The following DNAH8 variants were observed in gnomAD, a reference collection of about 807,000 sequenced individuals.
The protein encoded by DNAH8 is dynein axonemal heavy chain 8, also known as axonemal beta dynein heavy chain 8.
DNAH8 carries 382 observed loss-of-function variants against 562.1 expected under a neutral mutation model. The ratio of observed to expected loss-of-function variants is 0.68; its 90% CI spans 0.63 to 0.74. The LOEUF is 0.74. DNAH8 is among the 30% of genes least tolerant of loss of function. The pLI is 0.00. For missense variants in DNAH8, 5,203 were observed against 5,620.4 expected, an observed-to-expected ratio of 0.93 and a Z score of 2.37; for synonymous variants, 1,881 against 1,919.4, an observed-to-expected ratio of 0.98 and a Z score of 0.52.
At chr6:38,891,353 A>T (rs1759622071) in intron 58 of DNAH8, among the ~76,000 whole-genome samples, 1 of 152,252 alleles carries the variant, frequency 6.6e-6, no homozygotes. Flanking sequence ...TGTAGGTATG[A>T]GATAAAAATG....
chr6:38,911,172 C>T (rs1027285937), intron 65 of DNAH8, among the ~76,000 whole-genome samples: 12 of 152,274 alleles, frequency 7.9e-5, no homozygotes, highest in South Asian at 2.1e-4. Context: ...TTCATATATG[C>T]GATTTTATTT....
intron 88 of DNAH8, among the ~76,000 whole-genome samples, chr6:38,996,918 C>T (rs891820907): frequency 2.2e-4 from 33 of 152,024 alleles, no homozygotes; most frequent in Admixed American, 1.8e-3. Context: ...CAGGATCTTG[C>T]AACCTTTCAC....
At chr6:38,988,864 C>G (rs2150728719) in intron 87 of DNAH8, among the ~76,000 whole-genome samples, 1 of 152,306 alleles carries the variant, frequency 6.6e-6, no homozygotes, top group African/African-American at 2.4e-5. Flanking sequence ...CTTTAAACCT[C>G]TTTAGTACTT....
intron 42 of DNAH8, 99 bp downstream of exon 42, chr6:38,857,841 TC>T: frequency 1.4e-6 from 1 of 739,612 alleles, no homozygotes; most frequent in Non-Finnish European, 2.2e-6. Flanking sequence ...ATTTACTTGG[TC>T]CTTTTTCATA....
chr6:38,796,359 A>T (rs913617032), intron 21 of DNAH8, among the ~76,000 whole-genome samples: 1 of 151,742 alleles, frequency 6.6e-6, no homozygotes, highest in African/African-American at 2.4e-5. Context: ...AGTCCTAGGG[A>T]TGCTAGCTTC....
intron 4 of DNAH8, among the ~76,000 whole-genome samples, chr6:38,733,700 C>T (rs1763841365): frequency 1.3e-5 from 2 of 151,982 alleles, no homozygotes; most frequent in South Asian, 4.2e-4. Context: ...CACTTGAGGT[C>T]AGGAATTTGA....
At chr6:38,719,465 A>T (rs1762585718) in intron 1 of DNAH8, among the ~76,000 whole-genome samples, 1 of 151,884 alleles carries the variant, frequency 6.6e-6, no homozygotes, top group Non-Finnish European at 1.5e-5. Flanking sequence ...GTCCCTACTT[A>T]TAAGTGTGAA....
intron 53 of DNAH8, among the ~76,000 whole-genome samples, chr6:38,879,591 G>A (rs1326369959): frequency 6.6e-6 from 1 of 152,178 alleles, no homozygotes; most frequent in Non-Finnish European, 1.5e-5. Context: ...AATACCTACA[G>A]CTAACGTTAT....
At chr6:38,920,485 G>A (rs1291302034) in intron 70 of DNAH8, among the ~76,000 whole-genome samples, 1 of 152,062 alleles carries the variant, frequency 6.6e-6, no homozygotes, top group African/African-American at 2.4e-5. Context: ...CCACATTGTA[G>A]GACTTAGAAA....
At position 38,906,349 on chromosome 6, in the gene DNAH8, G is replaced by T. The variant is rs767800821; in HGVS notation, c.9290G>T (p.Ser3097Ile). 1 of 1,610,504 alleles carries T rather than the reference G, an allele frequency of 6.2e-7. No homozygotes were observed. The highest frequency in any genetic ancestry group is 8.5e-7 in the Non-Finnish European group (1 of 1,178,288). ...GGCATCACTTTCATCTTTACTGACA[G>T]TGAAATAAAAGATGAGGCATTTCTA... is the stretch of plus-strand genomic sequence containing the variant. ...GKGITFIFTD[S>I]EIKDEAFLEY... is the part of the protein sequence containing the mutation. The change falls in exon 63 of 93, where the codon AGT becomes ATT. Residue 3097 changes from serine to isoleucine, a missense_variant. Transcript: ENST00000327475.
At chr6:38,824,311 T>G (rs909369684) in intron 28 of DNAH8, among the ~76,000 whole-genome samples, 1 of 152,174 alleles carries the variant, frequency 6.6e-6, no homozygotes, top group Non-Finnish European at 1.5e-5. Flanking sequence ...TGACATCATC[T>G]GTAGAAGGAT....
chr6:38,940,652 CATGTCACTT>C (rs1202086695), intron 79 of DNAH8, among the ~76,000 whole-genome samples: 1 of 152,168 alleles, frequency 6.6e-6, no homozygotes, highest in East Asian at 1.9e-4. Flanking sequence ...ACAAGTGACA[CATGTCACTT>C]ACGCTCCTAT....
chr6:38,876,279 C>G lies in DNAH8; in HGVS notation c.7858+451C>G, dbSNP rs149194613. 3.3e-4 allele frequency among the ~76,000 whole-genome samples: 51 copies of G among 152,320 alleles called. No individual in the cohort carries two copies. In the East Asian group the frequency reaches 9.5e-3, roughly 28 times the overall value. Reference sequence around the variant, plus strand: ...CAGCGCTGTCACCTTAGCCCCCCAGCCTTCCATGTATGGCCGGGCCCAGCT... The same window carrying G: ...CAGCGCTGTCACCTTAGCCCCCCAGGCTTCCATGTATGGCCGGGCCCAGCT... On this transcript the variant is annotated intron_variant, in intron 53 of 92. Transcript: ENST00000327475.
chr6:38,993,998 G>C (rs1007957921), intron 88 of DNAH8, among the ~76,000 whole-genome samples: 3 of 152,154 alleles, frequency 2.0e-5, no homozygotes, highest in African/African-American at 7.2e-5. Flanking sequence ...CCCTTACATA[G>C]GGTTATACTG....
chr6:38,989,973 C>T (rs189929175), intron 87 of DNAH8, 39 bp from the exon 88 acceptor site: 12 of 1,258,818 alleles, frequency 9.5e-6, no homozygotes, highest in Admixed American at 4.4e-5. Flanking sequence ...CATTTAGATG[C>T]TCATCAATTT....
intron 78 of DNAH8, 109 bp from the exon 79 acceptor site, chr6:38,938,689 A>T: frequency 1.4e-6 from 1 of 714,298 alleles, no homozygotes; most frequent in East Asian, 2.7e-5. Flanking sequence ...ACAAACCACC[A>T]TGACATAGGT....
intron 29 of DNAH8, among the ~76,000 whole-genome samples, chr6:38,826,811 G>A (rs1773368717): frequency 6.6e-6 from 1 of 152,172 alleles, no homozygotes; most frequent in Non-Finnish European, 1.5e-5. Context: ...GGCAGAAACA[G>A]TTCCCTCAGG....
chr6:38,951,697 T>C (rs908852456), intron 82 of DNAH8, among the ~76,000 whole-genome samples, 177 bp downstream of exon 82: 2 of 152,206 alleles, frequency 1.3e-5, no homozygotes, highest in Non-Finnish European at 2.9e-5. Context: ...ATGATATAGG[T>C]ATCTTTGTTT....
intron 24 of DNAH8, among the ~76,000 whole-genome samples, chr6:38,809,102 G>T (rs1214547179): frequency 6.7e-6 from 1 of 150,274 alleles, no homozygotes; most frequent in Non-Finnish European, 1.5e-5. Context: ...AAAAAAAAAA[G>T]AAAAAAAATT....
Sources: gnomAD v4.1 joint callset for allele counts (sites outside exome capture counted in the v4.1 genomes callset) on GRCh38, gnomAD v4.1.1 for gene constraint, MANE v1.5 for transcripts, NCBI Gene and HGNC (gene_info 2026-07-23, HGNC 2026-07-21) for gene names.